NKAIN3: variants seen among roughly 807,000 people sequenced by gnomAD.
NKAIN3 encodes the protein sodium/potassium transporting ATPase interacting 3.
NKAIN3 carries 25 observed loss-of-function variants against 30.2 expected under a neutral mutation model. The observed-to-expected ratio is 0.83, with a 90% confidence interval of 0.60 to 1.16. The LOEUF (loss-of-function observed/expected upper bound fraction) is 1.16. NKAIN3 is among the 50% of genes most tolerant of loss of function. The pLI, the probability that NKAIN3 is intolerant of heterozygous loss-of-function variation, is 0.00. For synonymous variants in NKAIN3, 91 were observed against 89.6 expected (o/e 1.02, Z -0.09); for missense variants, 225 against 254.1 (o/e 0.89, Z 0.78).
chr8:62,897,887 C>T (rs1821483485), intron 4 of NKAIN3, among the ~76,000 whole-genome samples: 1 of 152,156 alleles, frequency 6.6e-6, no homozygotes, highest in African/African-American at 2.4e-5. Flanking sequence ...TTGACGCAGC[C>T]TAAGACCCCC....
intron 1 of NKAIN3, among the ~76,000 whole-genome samples, chr8:62,522,319 A>T (rs919336311): frequency 6.6e-6 from 1 of 152,152 alleles, no homozygotes; most frequent in Non-Finnish European, 1.5e-5. Context: ...GGCATAAACA[A>T]ACCTATGTAC....
At position 62,675,059 on chromosome 8, in the gene NKAIN3, A is replaced by C. The variant is rs1453084101; in HGVS notation, c.274-71873A>C. On this transcript the variant is annotated intron_variant, in intron 3 of 6. Transcript: ENST00000623646. ...CTTTGCTCAGCTTTTGTCTGGGAGC[A>C]TGGAAGTTAATTATATTTTTCATGT... Among the ~76,000 whole-genome samples the C allele has an allele frequency of 1.3e-5, 2 of 152,178 alleles. 1 individual carries two copies. The highest frequency in any genetic ancestry group is 2.9e-5 in the Non-Finnish European group (2 of 68,036).
intron 1 of NKAIN3, among the ~76,000 whole-genome samples, chr8:62,550,800 C>T (rs575286329): frequency 6.6e-6 from 1 of 152,214 alleles, no homozygotes; most frequent in South Asian, 2.1e-4. Flanking sequence ...TGAGTATGTA[C>T]AAGAAGAAGA....
chr8:62,661,016 T>C (rs1481004993), intron 3 of NKAIN3, among the ~76,000 whole-genome samples: 1 of 152,232 alleles, frequency 6.6e-6, no homozygotes, highest in Non-Finnish European at 1.5e-5. Flanking sequence ...ATGAAGTATT[T>C]TTACCACCTT....
chr8:62,757,530 G>A (rs766265915), intron 4 of NKAIN3, among the ~76,000 whole-genome samples: 5 of 152,144 alleles, frequency 3.3e-5, no homozygotes, highest in East Asian at 1.9e-4. Flanking sequence ...CCTTCCAGCC[G>A]GCCGTCAAAG....
intron 2 of NKAIN3, among the ~76,000 whole-genome samples, chr8:62,580,818 C>T (rs1044432134): frequency 4.0e-5 from 6 of 151,610 alleles, no homozygotes; most frequent in Admixed American, 2.0e-4. Flanking sequence ...CAACCAGGTA[C>T]GGTGGCTCAC....
At chr8:62,670,969 T>C (rs73682631) in intron 3 of NKAIN3, among the ~76,000 whole-genome samples, 7,444 of 151,188 alleles carry the variant, frequency 0.049, 310 homozygotes, top group African/African-American at 0.12. Context: ...TCCTCAAAAA[T>C]TGAACATTTA....
intron 1 of NKAIN3, among the ~76,000 whole-genome samples, chr8:62,435,765 C>A (rs1805153802): frequency 6.6e-6 from 1 of 152,018 alleles, no homozygotes; most frequent in Non-Finnish European, 1.5e-5. Context: ...TTATAAATAA[C>A]ATTTTGATGT....
intron 4 of NKAIN3, among the ~76,000 whole-genome samples, chr8:62,751,814 C>CTGTGTG (rs3032932): frequency 0.013 from 1,896 of 146,678 alleles, 49 homozygotes; most frequent in Admixed American, 0.041. Flanking sequence ...TACTAAAAAA[C>CTGTGTG]TGTGTGTGTG....
chr8:62,825,503 G>A (rs1387419405), intron 4 of NKAIN3, among the ~76,000 whole-genome samples: 1 of 152,122 alleles, frequency 6.6e-6, no homozygotes, highest in Non-Finnish European at 1.5e-5. Context: ...TAAACTACTG[G>A]CTTGAATGGC....
intron 1 of NKAIN3, among the ~76,000 whole-genome samples, chr8:62,356,208 A>G (rs1038049789): frequency 3.3e-5 from 5 of 152,202 alleles, no homozygotes; most frequent in Non-Finnish European, 5.9e-5. Flanking sequence ...GAACTTGAAT[A>G]TAGAAAAATT....
At chr8:62,755,525 T>C (rs2130604808) in intron 4 of NKAIN3, among the ~76,000 whole-genome samples, 1 of 152,324 alleles carries the variant, frequency 6.6e-6, no homozygotes, top group African/African-American at 2.4e-5. Flanking sequence ...AAATGCTAAA[T>C]ATATTGGACT....
At chr8:62,954,155 T>C (rs547588028) in intron 6 of NKAIN3, among the ~76,000 whole-genome samples, 183 bp downstream of exon 6, 34 of 152,336 alleles carry the variant, frequency 2.2e-4, no homozygotes, top group Non-Finnish European at 4.3e-4. Flanking sequence ...CAAAAAGGAT[T>C]TGAAGCTGGT....
At chr8:62,876,616 T>C (rs896954855) in intron 4 of NKAIN3, among the ~76,000 whole-genome samples, 8 of 152,120 alleles carry the variant, frequency 5.3e-5, no homozygotes, top group Admixed American at 2.0e-4. Context: ...ATATACACCA[T>C]AGAATGCTAT....
chr8:62,725,712 T>A (rs766954162), intron 3 of NKAIN3, among the ~76,000 whole-genome samples: 3 of 152,144 alleles, frequency 2.0e-5, no homozygotes, highest in African/African-American at 7.2e-5. Flanking sequence ...GTGGTCCATG[T>A]GTCTGCCTAT....
chr8:62,812,001 C>G (rs1425386549), intron 4 of NKAIN3, among the ~76,000 whole-genome samples: 1 of 151,840 alleles, frequency 6.6e-6, no homozygotes, highest in Non-Finnish European at 1.5e-5. Context: ...GTCCATGATT[C>G]ATGTCGAGCA....
intron 1 of NKAIN3, among the ~76,000 whole-genome samples, chr8:62,509,025 T>A (rs1483224990): frequency 6.6e-6 from 1 of 152,268 alleles, no homozygotes; most frequent in South Asian, 2.1e-4. Flanking sequence ...AGTGAGAAGG[T>A]CACTTTCTCT....
intron 1 of NKAIN3, among the ~76,000 whole-genome samples, chr8:62,328,290 T>G (rs1815210834): frequency 6.6e-6 from 1 of 152,164 alleles, no homozygotes; most frequent in Admixed American, 6.6e-5. Context: ...CAATGAAAGG[T>G]AATATAGTTC....
intron 3 of NKAIN3, among the ~76,000 whole-genome samples, chr8:62,633,527 GC>G (rs1444135392): frequency 6.6e-6 from 1 of 152,122 alleles, no homozygotes; most frequent in African/African-American, 2.4e-5. Context: ...CTGCATGACA[GC>G]CCCCACAGGG....
Sources: gnomAD v4.1 joint callset for allele counts (sites outside exome capture counted in the v4.1 genomes callset) on GRCh38, gnomAD v4.1.1 for gene constraint, MANE v1.5 for transcripts, NCBI Gene and HGNC (gene_info 2026-07-23, HGNC 2026-07-21) for gene names.